Variants in LONP2 observed in about 807,000 individuals in gnomAD.
LONP2 encodes the protein lon protease homolog 2, peroxisomal.
In LONP2, 60 loss-of-function variants were observed where a neutral mutation model predicts 85.6. That is an observed-to-expected ratio of 0.70 (90% CI 0.57 to 0.87). The LOEUF is 0.87. Among genes scored for constraint, LONP2 ranks in the 40% least tolerant of loss-of-function variants. The pLI is 0.00. For missense variants in LONP2, 860 were observed against 1,063.5 expected (o/e 0.81, Z 2.66); for synonymous variants, 395 against 389.7 (o/e 1.01, Z -0.16).
At position 48,347,706 on chromosome 16, in the gene LONP2, T is replaced by G. The variant is rs768340725; in HGVS notation, c.2138T>G (p.Leu713Arg). The G allele has an allele frequency of 6.2e-7, 1 of 1,612,822 alleles. No individual in the cohort carries two copies. The highest frequency in any genetic ancestry group is 2.2e-5 in the East Asian group (1 of 44,862). Residue 713 changes from leucine to arginine, a missense_variant, in exon 13 of 15, where the codon CTG (leucine) becomes CGG (arginine). Physicochemically the swap from Leu to Arg is moderately radical, Grantham distance 102 (BLOSUM62 -2). Around this residue, in one of 3 missense-constraint regions of LONP2, gnomAD observed 743 missense variants for 917.3 expected, o/e 0.81. Coordinates refer to ENST00000285737, the MANE Select transcript of LONP2 (RefSeq NM_031490.5). ...CGCAGCAACGCAAAGAAGTACCAGC[T>G]GACCAATGGTAGGAGCCTGCACCCG... ...WLRSNAKKYQ[L>R]TNAFGSFDLL...
intron 11 of LONP2, among the ~76,000 whole-genome samples, chr16:48,326,389 G>A (rs1334565212): frequency 1.3e-5 from 2 of 152,138 alleles, no homozygotes. Context: ...ACACTTCTTT[G>A]ATAATCTGGA....
At position 48,244,305 on chromosome 16, in the gene LONP2, T is replaced by G; in HGVS notation, c.-84T>G. ...GGAAGCGGAGGCGTGGAGGCGGGTCTGAGGTTTGGTGACTGCGGGGCAGGC... is the reference window on the plus strand; with the variant it reads ...GGAAGCGGAGGCGTGGAGGCGGGTCGGAGGTTTGGTGACTGCGGGGCAGGC... On this transcript the variant is annotated 5_prime_UTR_variant, in exon 1 of 15. Coordinates refer to ENST00000285737, the MANE Select transcript of LONP2 (RefSeq NM_031490.5). 1.5e-5 allele frequency: 15 copies of G among 1,030,826 alleles called. No individual in the cohort carries two copies. Among genetic ancestry groups the G allele is most frequent in the Non-Finnish European group, 1.7e-5 (13 of 745,614 alleles). The allele number at this position is 1,030,826 out of a possible 1,614,324, so 63.9% of individuals were successfully genotyped here.
intron 8 of LONP2, among the ~76,000 whole-genome samples, chr16:48,282,233 A>G (rs1220291544): frequency 1.3e-5 from 2 of 151,874 alleles, no homozygotes; most frequent in African/African-American, 4.8e-5. Flanking sequence ...ACGTGGCGAA[A>G]CCCTGTCTCT....
At chr16:48,328,858 G>T (rs375277226) in intron 11 of LONP2, among the ~76,000 whole-genome samples, 80 of 150,342 alleles carry the variant, frequency 5.3e-4, no homozygotes, top group Non-Finnish European at 1.1e-3. Context: ...GCGGTGGGGG[G>T]AGCGGGAGCC....
chr16:48,248,389 G>A (rs539783046), intron 1 of LONP2, among the ~76,000 whole-genome samples: 7 of 151,548 alleles, frequency 4.6e-5, no homozygotes, highest in Admixed American at 1.3e-4. Context: ...GCCTCCCAAA[G>A]TGCTGGGATT....
chr16:48,320,159 C>CAA (rs80118943), intron 11 of LONP2, among the ~76,000 whole-genome samples: 51 of 56,550 alleles, frequency 9.0e-4, no homozygotes, highest in Non-Finnish European at 1.2e-3. Flanking sequence ...GACTCTGTCT[C>CAA]AAAAAAAAAA....
At chr16:48,316,696 A>G (rs1033986108) in intron 11 of LONP2, among the ~76,000 whole-genome samples, 5 of 152,156 alleles carry the variant, frequency 3.3e-5, no homozygotes, top group African/African-American at 1.2e-4. Flanking sequence ...TATCTATTTA[A>G]TCCCTCCTTT....
rs35730749 is a variant in LONP2, at chr16:48,351,622, G to A, written c.2379G>A (p.Ala793=). 3,649 of 1,614,010 alleles carry A rather than the reference G, an allele frequency of 2.3e-3. 74 individuals carry two copies. In the African/African-American group the frequency reaches 0.042, roughly 19 times the overall value. ...ACAAAGTGCTGGCGGCACACAGAGCGGGACTGAAGCAAGTCATTATTCCTC... is the reference window on the plus strand; with the variant it reads ...ACAAAGTGCTGGCGGCACACAGAGCAGGACTGAAGCAAGTCATTATTCCTC... ...IKDKVLAAHR[A]GLKQVIIPRR... The change falls in exon 15 of 15, where the codon GCG becomes GCA. Residue 793 remains alanine (A), a synonymous_variant. Transcript: ENST00000285737.
At chr16:48,349,783 A>G (rs1182810954) in intron 14 of LONP2, among the ~76,000 whole-genome samples, 1 of 152,244 alleles carries the variant, frequency 6.6e-6, no homozygotes. Context: ...AAACAGGAAA[A>G]TGGAATGGAA....
intron 8 of LONP2, among the ~76,000 whole-genome samples, chr16:48,280,526 T>C (rs780030776): frequency 6.6e-6 from 1 of 152,226 alleles, no homozygotes; most frequent in Non-Finnish European, 1.5e-5. Context: ...GATATTTTCT[T>C]GTCTGATGTA....
intron 7 of LONP2, among the ~76,000 whole-genome samples, chr16:48,275,560 T>G (rs1231353243): frequency 6.6e-6 from 1 of 152,160 alleles, no homozygotes; most frequent in Non-Finnish European, 1.5e-5. Context: ...GCGATCCCTT[T>G]GTGAGAGGTA....
chr16:48,314,153 GTT>G (rs928880423), intron 11 of LONP2, among the ~76,000 whole-genome samples: 1 of 144,910 alleles, frequency 6.9e-6, no homozygotes. Flanking sequence ...TAATGGGGTT[GTT>G]TTTTTTTTTC....
chr16:48,244,512 G>T lies in LONP2; in HGVS notation c.124G>T (p.Val42Leu), dbSNP rs1596883504. ...SVDSARNLQLVRSRLLKGTSL... is the reference protein window; with the variant it reads ...SVDSARNLQLLRSRLLKGTSL... ...GGACTCGGCCCGCAACCTGCAGCTG[G>T]TGCGGAGCCGCCTTCTGAAGGGCAC... Residue 42 changes from valine (V) to leucine (L), a missense_variant, in exon 1 of 15, where the codon GTG (valine) becomes TTG (leucine). This residue lies in a region of LONP2 where 743 missense variants were observed against 917.3 expected (regional missense o/e 0.81). Transcript: ENST00000285737. 1 of 1,590,678 alleles carries T rather than the reference G, an allele frequency of 6.3e-7. No individual in the cohort carries two copies. The highest frequency in any genetic ancestry group is 8.5e-7 in the Non-Finnish European group (1 of 1,172,742).
chr16:48,360,125 C>T (rs528761540), downstream of LONP2, among the ~76,000 whole-genome samples: 1 of 152,324 alleles, frequency 6.6e-6, no homozygotes, highest in African/African-American at 2.4e-5. Context: ...CCACTTTACA[C>T]ATTAGGAAAC....
chr16:48,254,878 A>T (rs1328163552), intron 2 of LONP2, among the ~76,000 whole-genome samples: 2 of 152,174 alleles, frequency 1.3e-5, no homozygotes, highest in Non-Finnish European at 2.9e-5. Flanking sequence ...TTGGAAAATG[A>T]GTTTTAACTG....
At chr16:48,269,692 CT>C (rs202133183) in intron 6 of LONP2, among the ~76,000 whole-genome samples, 1 of 151,754 alleles carries the variant, frequency 6.6e-6, no homozygotes, top group Non-Finnish European at 1.5e-5. Flanking sequence ...AAAAATCACC[CT>C]TTTTTTTAAA....
chr16:48,336,536 TA>T (rs1429828655), intron 12 of LONP2: 10 of 438,780 alleles, frequency 2.3e-5, no homozygotes, highest in Middle Eastern at 6.8e-4. Flanking sequence ...CAAAGGGAGA[TA>T]GGGGTGGGGC....
intron 8 of LONP2, among the ~76,000 whole-genome samples, chr16:48,289,722 C>T (rs1021796241): frequency 3.3e-5 from 5 of 152,230 alleles, no homozygotes; most frequent in South Asian, 2.1e-4. Context: ...TAAATATTTA[C>T]AAGCTATTTT....
chr16:48,303,960 G>A (rs1402872868), intron 11 of LONP2, among the ~76,000 whole-genome samples: 2 of 152,288 alleles, frequency 1.3e-5, no homozygotes, highest in East Asian at 3.9e-4. Context: ...CAGATTGAGG[G>A]TGGGTCTGCC....
Sources: gnomAD v4.1 joint callset for allele counts (sites outside exome capture counted in the v4.1 genomes callset) on GRCh38, gnomAD v4.1.1 for gene constraint, gnomAD v4.1.1 regional missense constraint, MANE v1.5 for transcripts, NCBI Gene and HGNC (gene_info 2026-07-23, HGNC 2026-07-21) for gene names.